Variants in CBLN2 observed in about 807,000 individuals in gnomAD.
CBLN2 encodes the protein cerebellin-2.
CBLN2 carries 7 observed loss-of-function variants against 15.0 expected under a neutral mutation model. The observed-to-expected ratio is 0.47, with a 90% CI of 0.27 to 0.88. The LOEUF (loss-of-function observed/expected upper bound fraction) is 0.88. Ranked by LOEUF, CBLN2 falls within the 40% of genes least tolerant of loss-of-function variation. The probability of loss-of-function intolerance (pLI) is 0.14; values close to 1 mark genes in which losing one functional copy is unlikely to be tolerated. For missense variants in CBLN2, 242 were observed against 304.5 expected (o/e 0.79, Z 1.53); for synonymous variants, 149 against 135.2 (o/e 1.10, Z -0.71).
At position 72,592,111 on chromosome 18, in the gene CBLN2, T is replaced by C. The variant is rs138546936; in HGVS notation, c.15+46214A>G. On this transcript the variant is annotated intron_variant, in intron 1 of 2. Transcript: ENST00000581073. ...CACCAACATGTACTAATTTATATTC[T>C]GACAAGTAGTGTACAAAGATTGATT... 6.0e-4 allele frequency among the ~76,000 whole-genome samples: 92 copies of C among 152,248 alleles called. 2 individuals are homozygous for C. The East Asian group carries it at 0.017, about 29-fold the overall frequency.
chr18:72,549,581 G>A (rs1449152958), intron 1 of CBLN2, among the ~76,000 whole-genome samples: 1 of 152,102 alleles, frequency 6.6e-6, no homozygotes, highest in Non-Finnish European at 1.5e-5. Flanking sequence ...TTAGCATCTG[G>A]TGTTTTGTGG....
Position 72,542,203 on chromosome 18 carries a change from C to G in CBLN2, c.-43G>C, listed in dbSNP as rs184946495. ...GGCGCGCGGGGGTGGAGGCCGGCGCCGGCGCGAGCGGCGCGGAAGGGCGCG... is the reference window on the plus strand; with the variant it reads ...GGCGCGCGGGGGTGGAGGCCGGCGCGGGCGCGAGCGGCGCGGAAGGGCGCG... On this transcript the variant is annotated 5_prime_UTR_variant, in exon 3 of 5. Transcript: ENST00000269503. 1.7e-5 allele frequency: 20 copies of G among 1,159,196 alleles called. No homozygotes were observed. In the Admixed American group the frequency reaches 2.3e-4, roughly 13 times the overall value. The allele number at this position is 1,159,196 out of a possible 1,614,324, so 71.8% of individuals were successfully genotyped here. A position where few individuals can be genotyped will look rare whatever the true frequency, so the allele number is the denominator to read the frequency against.
intron 1 of CBLN2, among the ~76,000 whole-genome samples, chr18:72,550,155 G>T (rs1330370107): frequency 6.6e-6 from 1 of 152,120 alleles, no homozygotes; most frequent in Admixed American, 6.6e-5. Context: ...TTAAAATAAG[G>T]AAAATGAGAA....
intron 1 of CBLN2, among the ~76,000 whole-genome samples, chr18:72,615,127 ATATAT>A (rs10576880): frequency 0.2 from 26,016 of 132,800 alleles, 4,102 homozygotes; most frequent in African/African-American, 0.44. Context: ...ATATATATAA[ATATAT>A]TATATAAATA....
chr18:72,538,387 A>T lies in CBLN2; in HGVS notation c.478-14T>A. ...CATTAAACTGACCTAAAATGCAGAG[A>T]GTAGAGCTCAGCAGACCATAAAGCA... On this transcript the variant is annotated splice_polypyrimidine_tract_variant and intron_variant, in intron 4 of 4. Transcript: ENST00000269503. 1 of 1,613,252 alleles carries T rather than the reference A, an allele frequency of 6.2e-7. No homozygotes were observed. The highest frequency in any genetic ancestry group is 1.7e-5 in the Admixed American group (1 of 60,008).
intron 1 of CBLN2, among the ~76,000 whole-genome samples, chr18:72,581,679 C>A (rs1261660940): frequency 6.6e-6 from 1 of 152,044 alleles, no homozygotes; most frequent in Non-Finnish European, 1.5e-5. Context: ...AACATCTTTT[C>A]CCCTCTTTAA....
chr18:72,615,001 C>G (rs1374395832), intron 1 of CBLN2, among the ~76,000 whole-genome samples: 2 of 143,124 alleles, frequency 1.4e-5, no homozygotes, highest in African/African-American at 5.2e-5. Flanking sequence ...CATAGGTGGG[C>G]TGTTTGTCAC....
intron 1 of CBLN2, among the ~76,000 whole-genome samples, chr18:72,585,016 A>G (rs560836413): frequency 2.6e-4 from 40 of 152,336 alleles, no homozygotes; most frequent in African/African-American, 9.1e-4. Context: ...GCTCGCTGCG[A>G]TGCTGCATCT....
chr18:72,583,725 T>TAA (rs1256925289), intron 1 of CBLN2, among the ~76,000 whole-genome samples: 8 of 152,190 alleles, frequency 5.3e-5, no homozygotes, highest in African/African-American at 1.9e-4. Flanking sequence ...TCTTACCACT[T>TAA]ATAGTAATAA....
chr18:72,551,349 G>A (rs1445749915), intron 1 of CBLN2, among the ~76,000 whole-genome samples: 1 of 152,114 alleles, frequency 6.6e-6, no homozygotes, highest in Non-Finnish European at 1.5e-5. Flanking sequence ...TTGGTTTATA[G>A]AGGTTTCACA....
Position 72,538,220 on chromosome 18 carries a change from A to G in CBLN2, c.631T>C (p.Trp211Arg). The G allele has an allele frequency of 6.2e-7, 1 of 1,614,056 alleles. No individual in the cohort carries two copies. Residue 211 changes from tryptophan (W) to arginine (R), a missense_variant, in exon 5 of 5, where the codon TGG becomes CGG. Trp to Arg is a moderately radical substitution (Grantham distance 101). Coordinates refer to ENST00000269503, the MANE Select transcript of CBLN2 (RefSeq NM_182511.4). ...AAGCCCGAGAATGTGGAGTATTTCC[A>G]GCCCCCCATGAGGTTGCCTCTCTCA... ...KLERGNLMGG[W>R]KYSTFSGFLV... is the part of the protein sequence containing the mutation.
chr18:72,617,601 G>A (rs930118493), intron 1 of CBLN2, among the ~76,000 whole-genome samples: 34 of 152,198 alleles, frequency 2.2e-4, no homozygotes, highest in East Asian at 7.7e-4. Context: ...ATTTTGCCTC[G>A]CATGTTTTAC....
upstream of CBLN2, among the ~76,000 whole-genome samples, chr18:72,548,702 T>C (rs1449762930): frequency 6.6e-6 from 1 of 152,212 alleles, no homozygotes; most frequent in African/African-American, 2.4e-5. Flanking sequence ...AGCCTGGTCA[T>C]TTGAGCAAAG....
intron 1 of CBLN2, among the ~76,000 whole-genome samples, chr18:72,616,531 C>T (rs564926060): frequency 1.1e-4 from 17 of 152,234 alleles, no homozygotes; most frequent in African/African-American, 3.6e-4. Flanking sequence ...GTTCTGGACT[C>T]TTGCCCACTG....
rs533594528 is a variant in CBLN2, at chr18:72,538,070, C to T, written c.*106G>A. The stretch of plus-strand genomic sequence containing the variant: ...TCATTCTTCTACTGCAACAGTCTGA[C>T]GGAGGTTGGAAACAAGGTGTCCAAT... On this transcript the variant is annotated 3_prime_UTR_variant, in exon 5 of 5. Coordinates refer to ENST00000269503, the MANE Select transcript of CBLN2 (RefSeq NM_182511.4). 40 of 1,103,336 alleles carry T rather than the reference C, an allele frequency of 3.6e-5. No homozygotes were observed. In the East Asian group the frequency reaches 4.3e-4, roughly 12 times the overall value. 68.3% of individuals were successfully genotyped at this position (1,103,336 alleles called of 1,614,324 possible). A position where few individuals can be genotyped will look rare whatever the true frequency, so the allele number is the denominator to read the frequency against.
chr18:72,599,525 C>T lies in CBLN2; in HGVS notation c.15+38800G>A, dbSNP rs911437202. ...GAACTTTTCACTTCCATTTATAGAA[C>T]TAATTTTGTGGAGTTTTTTAAAAAG... is the stretch of plus-strand genomic sequence containing the variant. On this transcript the variant is annotated intron_variant, in intron 1 of 2. Transcript: ENST00000581073. Among the ~76,000 whole-genome samples, 7 of 152,106 alleles carry T rather than the reference C, an allele frequency of 4.6e-5. No individual in the cohort carries two copies. The South Asian group carries it at 1.0e-3, about 23-fold the overall frequency.
At chr18:72,636,671 G>A (rs556500708) in intron 1 of CBLN2, among the ~76,000 whole-genome samples, 1 of 152,200 alleles carries the variant, frequency 6.6e-6, no homozygotes, top group South Asian at 2.1e-4. Flanking sequence ...ACCCAACTCT[G>A]GCTTTATATT....
intron 1 of CBLN2, among the ~76,000 whole-genome samples, chr18:72,602,699 A>G (rs2144944519): frequency 6.6e-6 from 1 of 152,248 alleles, no homozygotes; most frequent in East Asian, 1.9e-4. Flanking sequence ...CCTTGAGAGA[A>G]TGTAAGGGAA....
intron 1 of CBLN2, among the ~76,000 whole-genome samples, chr18:72,566,668 A>G (rs1207861550): frequency 6.6e-6 from 1 of 152,188 alleles, no homozygotes; most frequent in Non-Finnish European, 1.5e-5. Context: ...CAAGGACAAG[A>G]GAAGAGATTT....
Sources: allele counts gnomAD v4.1 joint callset (sites outside exome capture counted in the v4.1 genomes callset), GRCh38; gene constraint gnomAD v4.1.1; transcripts MANE v1.5; gene names NCBI Gene and HGNC (gene_info 2026-07-23, HGNC 2026-07-21).